The following TRAPPC9 variants were observed in gnomAD, a reference collection of about 807,000 sequenced individuals.
TRAPPC9 encodes the protein IKK2 binding protein.
In TRAPPC9, 83 loss-of-function variants were observed where a neutral mutation model predicts 124.0. The ratio of observed to expected loss-of-function variants is 0.67; its 90% CI spans 0.56 to 0.80. The LOEUF (loss-of-function observed/expected upper bound fraction) is 0.80. TRAPPC9 is among the 30% of genes least tolerant of loss of function. The pLI is 0.00. For synonymous variants in TRAPPC9, 638 were observed against 617.5 expected (o/e 1.03, Z -0.49); for missense variants, 1,302 against 1,508.3 (o/e 0.86, Z 2.27).
Position 140,241,871 on chromosome 8 carries a change from C to A in TRAPPC9, c.2431+10906G>T, listed in dbSNP as rs1319518512. On this transcript the variant is annotated intron_variant, in intron 16 of 22. Coordinates refer to ENST00000438773, the MANE Select transcript of TRAPPC9 (RefSeq NM_001160372.4). The surrounding 1 kb of genome is among the most constrained non-coding windows in gnomAD (Gnocchi z 5.0). ...CACTTGCTTAACGTATGCCAAGAAG[C>A]TGCTCTGACCAGGCCTCACTGCATA... Among the ~76,000 whole-genome samples the A allele has an allele frequency of 2.0e-5, 3 of 152,176 alleles. No individual in the cohort carries two copies. The highest frequency in any genetic ancestry group is 7.2e-5 in the African/African-American group (3 of 41,434).
At chr8:140,388,575 C>T (rs1335965826) in intron 7 of TRAPPC9, among the ~76,000 whole-genome samples, 3 of 151,578 alleles carry the variant, frequency 2.0e-5, no homozygotes, top group Non-Finnish European at 2.9e-5. Context: ...CCCAGCTACT[C>T]AGGAGGCTGA....
chr8:139,753,533 C>T (rs1181888410), intron 21 of TRAPPC9, among the ~76,000 whole-genome samples: 1 of 152,240 alleles, frequency 6.6e-6, no homozygotes, highest in African/African-American at 2.4e-5. Context: ...AGGGGAAATA[C>T]TCCCAGTGGC....
At chr8:140,195,143 A>C (rs1275646530) in intron 17 of TRAPPC9, among the ~76,000 whole-genome samples, 1 of 152,020 alleles carries the variant, frequency 6.6e-6, no homozygotes, top group Non-Finnish European at 1.5e-5. Context: ...CACTGTACAG[A>C]TCACACCTGT....
At chr8:140,154,049 C>T (rs1333659410) in intron 17 of TRAPPC9, among the ~76,000 whole-genome samples, 3 of 152,190 alleles carry the variant, frequency 2.0e-5, no homozygotes, top group African/African-American at 2.4e-5. Flanking sequence ...TTTGTTTATA[C>T]AGCTGTCGAC....
intron 4 of TRAPPC9, among the ~76,000 whole-genome samples, chr8:140,427,290 C>T (rs1233782835): frequency 6.6e-6 from 1 of 151,758 alleles, no homozygotes; most frequent in Non-Finnish European, 1.5e-5. Flanking sequence ...ATGTCAGCAG[C>T]CTAGAATGGG....
intron 1 of TRAPPC9, among the ~76,000 whole-genome samples, chr8:140,453,208 G>A (rs1030617576): frequency 6.6e-6 from 1 of 152,094 alleles, no homozygotes; most frequent in South Asian, 2.1e-4. Context: ...CTTCCTGAGG[G>A]GATTTGGCCA....
intron 21 of TRAPPC9, among the ~76,000 whole-genome samples, chr8:139,810,536 G>A (rs1400904916): frequency 6.6e-6 from 1 of 152,156 alleles, no homozygotes; most frequent in African/African-American, 2.4e-5. Context: ...TCCCCTGAGA[G>A]CTGGCTGTTA....
At chr8:140,050,409 A>T (rs1841914065) in intron 17 of TRAPPC9, among the ~76,000 whole-genome samples, 1 of 152,184 alleles carries the variant, frequency 6.6e-6, no homozygotes, top group African/African-American at 2.4e-5. Flanking sequence ...TTCTCACAAC[A>T]ATTTCCCACT....
At chr8:140,189,155 T>C (rs539152934) in intron 17 of TRAPPC9, among the ~76,000 whole-genome samples, 9 of 152,390 alleles carry the variant, frequency 5.9e-5, no homozygotes, top group African/African-American at 2.2e-4. Flanking sequence ...TTTCTCTGCC[T>C]GTGCTCTTTC....
chr8:140,130,226 C>G (rs2061181281), intron 17 of TRAPPC9, among the ~76,000 whole-genome samples: 1 of 151,900 alleles, frequency 6.6e-6, no homozygotes, highest in Admixed American at 6.6e-5. Context: ...AAGGGATGCA[C>G]AGACCGGAAG....
At chr8:139,936,051 G>A (rs1158334808) in intron 19 of TRAPPC9, among the ~76,000 whole-genome samples, 1 of 152,216 alleles carries the variant, frequency 6.6e-6, no homozygotes, top group Non-Finnish European at 1.5e-5. Flanking sequence ...GCCTGGAGTG[G>A]CGTCACATGC....
Position 139,825,160 on chromosome 8 carries a change from A to C in TRAPPC9, c.3055+60719T>G, listed in dbSNP as rs924058922. 6.6e-6 allele frequency among the ~76,000 whole-genome samples: 1 copy of C among 152,126 alleles called. No homozygotes were observed. The highest frequency in any genetic ancestry group is 2.1e-4 in the South Asian group (1 of 4,824). On this transcript the variant is annotated intron_variant, in intron 21 of 22. Coordinates refer to ENST00000438773, the MANE Select transcript of TRAPPC9 (RefSeq NM_001160372.4). This position sits in a 1 kb window ranked among gnomAD's most constrained non-coding sequence, Gnocchi z 4.6. ...GACTACAGGATTACAGAGGGGTCTG[A>C]GAAGGTCTTACTGAGGCATGGGGTG... is the stretch of plus-strand genomic sequence containing the variant.
At chr8:139,859,675 T>G (rs577108543) in intron 21 of TRAPPC9, among the ~76,000 whole-genome samples, 1 of 152,246 alleles carries the variant, frequency 6.6e-6, no homozygotes, top group South Asian at 2.1e-4. Flanking sequence ...GCTGGGGACA[T>G]ATAACAGTTC....
At chr8:140,267,617 T>C (rs2064726190) in intron 15 of TRAPPC9, among the ~76,000 whole-genome samples, 1 of 152,164 alleles carries the variant, frequency 6.6e-6, no homozygotes, top group Non-Finnish European at 1.5e-5. Flanking sequence ...ACTCACCTGG[T>C]ATGTGGAGAG....
At chr8:140,010,343 GT>G (rs1168084245) in intron 18 of TRAPPC9, among the ~76,000 whole-genome samples, 4 of 151,926 alleles carry the variant, frequency 2.6e-5, no homozygotes, top group Admixed American at 6.6e-5. Flanking sequence ...AGTAGGGTAA[GT>G]TTTTTTTACT....
At chr8:140,219,231 C>T (rs1387201030) in intron 17 of TRAPPC9, among the ~76,000 whole-genome samples, 3 of 152,202 alleles carry the variant, frequency 2.0e-5, no homozygotes, top group Admixed American at 1.3e-4. Flanking sequence ...GCAGCACACT[C>T]GGCGATCATC....
intron 17 of TRAPPC9, among the ~76,000 whole-genome samples, chr8:140,042,909 T>G (rs1435059558): frequency 6.6e-6 from 1 of 152,236 alleles, no homozygotes; most frequent in Non-Finnish European, 1.5e-5. Context: ...TCCTTCGCTC[T>G]GGGCAGCCCT....
At chr8:140,290,604 C>T (rs1256475638) in intron 12 of TRAPPC9, among the ~76,000 whole-genome samples, 1 of 152,120 alleles carries the variant, frequency 6.6e-6, no homozygotes, top group Non-Finnish European at 1.5e-5. Flanking sequence ...CTTGTTCTTC[C>T]CTGGGGCCTT....
At chr8:140,354,734 G>A (rs2067687080) in intron 9 of TRAPPC9, among the ~76,000 whole-genome samples, 1 of 152,158 alleles carries the variant, frequency 6.6e-6, no homozygotes, top group African/African-American at 2.4e-5. Flanking sequence ...AGCACCATGA[G>A]CTCTTCAGCA....
Sources: allele counts gnomAD v4.1 joint callset (sites outside exome capture counted in the v4.1 genomes callset), GRCh38; gene constraint gnomAD v4.1.1; non-coding constraint Gnocchi (gnomAD v3.1); transcripts MANE v1.5; gene names NCBI Gene and HGNC (gene_info 2026-07-23, HGNC 2026-07-21).